MRPS11: variants seen among roughly 807,000 people sequenced by gnomAD.
MRPS11 encodes the protein mitochondrial ribosomal protein S11.
Under a neutral mutation model 24.3 loss-of-function variants are expected in MRPS11, and 27 were observed. That is an observed-to-expected ratio of 1.11 (90% CI 0.82 to 1.53). The LOEUF (loss-of-function observed/expected upper bound fraction) is 1.53, where lower values mean the gene tolerates loss of function less well. Among genes scored for constraint, MRPS11 ranks in the 40% most tolerant of loss-of-function variants. The pLI is 0.00. For missense variants in MRPS11, 277 were observed against 256.5 expected (o/e 1.08, Z -0.55); for synonymous variants, 104 against 98.7 (o/e 1.05, Z -0.32).
intron 2 of MRPS11, 128 bp downstream of exon 2, chr15:88,468,152 A>G: frequency 6.8e-7 from 1 of 1,461,354 alleles, no homozygotes; most frequent in East Asian, 2.5e-5. Flanking sequence ...ATGCAAATAA[A>G]TCTGAGCCTC....
rs992131369 is a variant in MRPS11 at position 88,469,667 on chromosome 15, T to G, written c.182+1643T>G. Among the ~76,000 whole-genome samples the G allele has an allele frequency of 3.9e-5, 6 of 152,154 alleles. No individual in the cohort carries two copies. Among genetic ancestry groups the G allele is most frequent in the Non-Finnish European group, 8.8e-5 (6 of 68,016 alleles). On this transcript the variant is annotated intron_variant, in intron 2 of 5. Coordinates refer to ENST00000325844, the MANE Select transcript of MRPS11 (RefSeq NM_022839.5). The surrounding 1 kb of genome is among the most constrained non-coding windows in gnomAD (Gnocchi z 4.4). ...GATCTTGTAAGCTCTTTGGCTGCTG[T>G]GTTGATATTAAACCATTGGAGAGCA...
intron 3 of MRPS11, among the ~76,000 whole-genome samples, chr15:88,474,262 A>G (rs1284747541): frequency 6.6e-6 from 1 of 152,268 alleles, no homozygotes. Flanking sequence ...ATAAGCATCA[A>G]AAGTATCCAA....
At chr15:88,470,805 T>C (rs897756547) in intron 2 of MRPS11, among the ~76,000 whole-genome samples, 1 of 152,186 alleles carries the variant, frequency 6.6e-6, no homozygotes, top group African/African-American at 2.4e-5. Flanking sequence ...TACCTTAAAG[T>C]TCCTTAAGAG....
intron 2 of MRPS11, 85 bp from the exon 3 acceptor site, chr15:88,472,542 C>A: frequency 8.9e-7 from 1 of 1,127,150 alleles, no homozygotes; most frequent in Non-Finnish European, 1.3e-6. Flanking sequence ...GGGCACAGAG[C>A]TGTTATTTTT....
chr15:88,477,121 C>A lies in MRPS11; in HGVS notation c.477+67C>A. 1 of 1,441,112 alleles carries A rather than the reference C, an allele frequency of 6.9e-7. No individual in the cohort carries two copies. Among genetic ancestry groups the A allele is most frequent in the Middle Eastern group, 1.7e-4 (1 of 5,786 alleles). 89.3% of individuals were successfully genotyped at this position (1,441,112 alleles called of 1,614,324 possible). On this transcript the variant is annotated intron_variant, in intron 5 of 5. Coordinates refer to ENST00000325844, the MANE Select transcript of MRPS11 (RefSeq NM_022839.5). The surrounding 1 kb of genome is among the most constrained non-coding windows in gnomAD (Gnocchi z 5.7). Reference sequence around the variant, plus strand: ...AGTGTGAGAATTTGGGGCTTGAGAGCAGAGTACAGGGAGAGTAGAAAACAC... The same window carrying A: ...AGTGTGAGAATTTGGGGCTTGAGAGAAGAGTACAGGGAGAGTAGAAAACAC...
intron 4 of MRPS11, among the ~76,000 whole-genome samples, chr15:88,476,457 T>A (rs1055953402): frequency 5.3e-5 from 8 of 152,188 alleles, no homozygotes; most frequent in African/African-American, 1.7e-4. Flanking sequence ...ATGCTGTAAA[T>A]GCCCAACCAT....
At chr15:88,467,859 G>C (rs1349549600) in intron 1 of MRPS11, 49 bp from the exon 2 acceptor site, 1 of 1,612,648 alleles carries the variant, frequency 6.2e-7, no homozygotes, top group South Asian at 1.1e-5. Context: ...GAGCCACCCG[G>C]GCCCCAGTGA....
chr15:88,477,868 C>A lies in MRPS11; in HGVS notation c.478-4C>A. 6.2e-7 allele frequency: 1 copy of A among 1,613,016 alleles called. No homozygotes were observed. Among genetic ancestry groups the A allele is most frequent in the Non-Finnish European group, 8.5e-7 (1 of 1,179,024 alleles). ...CATTCTACTTTTCCTTCTGTTCCTT[C>A]CAGTCTGCCATGCACGGACTGATCA... On this transcript the variant is annotated splice_region_variant and splice_polypyrimidine_tract_variant and intron_variant, in intron 5 of 5. Coordinates refer to ENST00000325844, the MANE Select transcript of MRPS11 (RefSeq NM_022839.5). The surrounding 1 kb of genome is among the most constrained non-coding windows in gnomAD (Gnocchi z 5.7).
In MRPS11 at chr15:88,469,653, C is replaced by T. The variant is rs2055644512; in HGVS notation, c.182+1629C>T. On this transcript the variant is annotated intron_variant, in intron 2 of 5. Coordinates refer to ENST00000325844, the MANE Select transcript of MRPS11 (RefSeq NM_022839.5). The surrounding 1 kb of genome is among the most constrained non-coding windows in gnomAD (Gnocchi z 4.4). The stretch of plus-strand genomic sequence containing the variant: ...GATCTTGCTGACAAGATCTTGTAAG[C>T]TCTTTGGCTGCTGTGTTGATATTAA... Among the ~76,000 whole-genome samples the T allele has an allele frequency of 6.6e-6, 1 of 152,102 alleles. No individual in the cohort carries two copies. Among genetic ancestry groups the T allele is most frequent in the Non-Finnish European group, 1.5e-5 (1 of 68,028 alleles).
At position 88,475,220 on chromosome 15, in the gene MRPS11, C is replaced by T; in HGVS notation, c.392C>T (p.Ala131Val). ...GGCACAGGCATCGCAGCACAGACAG[C>T]AGGCATAGCCGCAGCGGCGGTAAGT... ...KKGTGIAAQT[A>V]GIAAAARAKQ... The change falls in exon 4 of 6, where the codon GCA (alanine) becomes GTA (valine). Residue 131 changes from alanine (A) to valine (V), a missense_variant. By Grantham distance (64) the Ala-to-Val change is moderately conservative. Transcript: ENST00000325844. The surrounding 1 kb of genome is among the most constrained non-coding windows in gnomAD (Gnocchi z 4.1). 1 of 1,614,238 alleles carries T rather than the reference C, an allele frequency of 6.2e-7. No individual in the cohort carries two copies.
chr15:88,468,185 G>T lies in MRPS11; in HGVS notation c.182+161G>T, dbSNP rs549965519. 24 of 1,447,904 alleles carry T rather than the reference G, an allele frequency of 1.7e-5. No homozygotes were observed. In the South Asian group the frequency reaches 2.9e-4, roughly 17 times the overall value. The allele number at this position is 1,447,904 out of a possible 1,614,324, so 89.7% of individuals were successfully genotyped here. On this transcript the variant is annotated intron_variant, in intron 2 of 5. Transcript: ENST00000325844. ...CTCAGCCTTCTCATCTAAAAATGCG[G>T]ATAATGCTGAGAGAGGTTGTGAGAA...
chr15:88,471,058 T>C (rs955248285), intron 2 of MRPS11, among the ~76,000 whole-genome samples: 4 of 152,106 alleles, frequency 2.6e-5, no homozygotes, highest in Non-Finnish European at 5.9e-5. Flanking sequence ...GCAAAGGCTG[T>C]GGGCACAGAT....
At chr15:88,473,415 A>G (rs1216209198) in intron 3 of MRPS11, among the ~76,000 whole-genome samples, 1 of 152,232 alleles carries the variant, frequency 6.6e-6, no homozygotes, top group Non-Finnish European at 1.5e-5. Flanking sequence ...CAATTTAGAG[A>G]CCAGCACAAG....
At chr15:88,468,048 T>A (rs1477235814) in intron 2 of MRPS11, 24 bp downstream of exon 2, 4 of 1,585,040 alleles carry the variant, frequency 2.5e-6, no homozygotes, top group Non-Finnish European at 3.4e-6. Flanking sequence ...GGACCAGCCC[T>A]CTGGAGACCC....
rs1203175357 is a variant in MRPS11, at chr15:88,477,097, G to A, written c.477+43G>A. ...CCATAGTGTACTTGCCTCCTAGTAA[G>A]TGTGAGAATTTGGGGCTTGAGAGCA... On this transcript the variant is annotated intron_variant, in intron 5 of 5. Coordinates refer to ENST00000325844, the MANE Select transcript of MRPS11 (RefSeq NM_022839.5). This position sits in a 1 kb window ranked among gnomAD's most constrained non-coding sequence, Gnocchi z 5.7. 1.9e-6 allele frequency: 3 copies of A among 1,594,258 alleles called. No individual in the cohort carries two copies. Among genetic ancestry groups the A allele is most frequent in the African/African-American group, 1.3e-5 (1 of 74,672 alleles).
In MRPS11 at chr15:88,477,990, G is replaced by C. The variant is rs2055858961; in HGVS notation, c.*11G>C. 5 of 1,609,894 alleles carry C rather than the reference G, an allele frequency of 3.1e-6. No homozygotes were observed. Among genetic ancestry groups the C allele is most frequent in the Middle Eastern group, 3.3e-4 (2 of 6,052 alleles). ...GCTCGGAAGCTGTGATGGGAAGGAG[G>C]CCTGCACTTGGACCTGACCTCAAGC... On this transcript the variant is annotated 3_prime_UTR_variant, in exon 6 of 6. Coordinates refer to ENST00000325844, the MANE Select transcript of MRPS11 (RefSeq NM_022839.5). This position sits in a 1 kb window ranked among gnomAD's most constrained non-coding sequence, Gnocchi z 5.7.
intron 2 of MRPS11, 93 bp from the exon 3 acceptor site, chr15:88,472,534 G>A: frequency 9.8e-7 from 1 of 1,018,626 alleles, no homozygotes; most frequent in Non-Finnish European, 1.5e-6. Flanking sequence ...GCAGCAGGGG[G>A]CACAGAGCTG....
chr15:88,468,135 G>A, intron 2 of MRPS11, 111 bp downstream of exon 2: 1 of 1,482,226 alleles, frequency 6.7e-7, no homozygotes, highest in Non-Finnish European at 9.0e-7. Context: ...GCTATCCGTG[G>A]GACCTTATGC....
chr15:88,468,672 A>C (rs2055610153), intron 2 of MRPS11: 1 of 247,962 alleles, frequency 4.0e-6, no homozygotes, highest in Admixed American at 6.5e-5. Context: ...TCTGCTCAAT[A>C]ATATAATGGA....
Sources: gnomAD v4.1 joint callset for allele counts (sites outside exome capture counted in the v4.1 genomes callset) on GRCh38, gnomAD v4.1.1 for gene constraint, Gnocchi (gnomAD v3.1) non-coding constraint, MANE v1.5 for transcripts, NCBI Gene and HGNC (gene_info 2026-07-23, HGNC 2026-07-21) for gene names.